LCOR: variants seen among roughly 807,000 people sequenced by gnomAD.
LCOR encodes the protein ligand dependent nuclear receptor corepressor.
A neutral mutation model predicts 64.4 loss-of-function variants in LCOR; 14 were observed. The ratio of observed to expected loss-of-function variants is 0.22; its 90% CI spans 0.14 to 0.34. The LOEUF (loss-of-function observed/expected upper bound fraction) is 0.34, where lower values mean the gene tolerates loss of function less well. LCOR is among the 10% of genes least tolerant of loss of function. The probability of loss-of-function intolerance (pLI) is 1.00; values close to 1 mark genes in which losing one functional copy is unlikely to be tolerated. For synonymous variants in LCOR, 643 were observed against 642.5 expected, an observed-to-expected ratio of 1.00 and a Z score of -0.01; for missense variants, 1,686 against 1,765.3, an observed-to-expected ratio of 0.96 and a Z score of 0.80.
intron 7 of LCOR, among the ~76,000 whole-genome samples, chr10:96,980,330 G>A (rs982759492): frequency 3.3e-5 from 5 of 152,016 alleles, no homozygotes; most frequent in African/African-American, 1.2e-4. Context: ...TAATAGTGTG[G>A]TCAAAATTTT....
In LCOR at chr10:96,991,215, G is replaced by C. The variant is rs11188982; in HGVS notation, c.*6081G>C. On this transcript the variant is annotated 3_prime_UTR_variant, in exon 8 of 8. Transcript: ENST00000421806. Reference sequence around the variant, plus strand: ...TTCATACAGTCCAGCAATTCTTTTAGATTTTAGAGTGTCTTGCCTGTTCAT... The same window carrying C: ...TTCATACAGTCCAGCAATTCTTTTACATTTTAGAGTGTCTTGCCTGTTCAT... The C allele has an allele frequency of 2.6e-5, 4 of 151,652 alleles. No individual in the cohort carries two copies. Among genetic ancestry groups the C allele is most frequent in the African/African-American group, 9.7e-5 (4 of 41,208 alleles). The allele number at this position is 151,652 out of a possible 1,614,324, so 9.4% of individuals were successfully genotyped here.
At chr10:96,872,905 T>C (rs1027427724) in intron 2 of LCOR, among the ~76,000 whole-genome samples, 4 of 152,170 alleles carry the variant, frequency 2.6e-5, no homozygotes, top group African/African-American at 7.2e-5. Flanking sequence ...TTATTTTTTA[T>C]TAAAACAGTA....
At chr10:96,881,136 G>A (rs771197280) in intron 2 of LCOR, among the ~76,000 whole-genome samples, 2 of 152,080 alleles carry the variant, frequency 1.3e-5, no homozygotes, top group Non-Finnish European at 2.9e-5. Flanking sequence ...TTTATTATCT[G>A]GCCTTTTACA....
At chr10:96,964,097 A>C (rs1847922444) in intron 7 of LCOR, 1 of 152,158 alleles carries the variant, frequency 6.6e-6, no homozygotes, top group Non-Finnish European at 1.5e-5. Flanking sequence ...TATGTAGTAG[A>C]GCACTTATGA....
intron 7 of LCOR, among the ~76,000 whole-genome samples, chr10:96,965,050 C>A (rs1192289077): frequency 1.3e-5 from 2 of 151,806 alleles, no homozygotes; most frequent in East Asian, 3.9e-4. Flanking sequence ...GCTCTGTCTC[C>A]CAGGCTGGAA....
At chr10:96,875,077 A>T (rs1486942756) in intron 2 of LCOR, among the ~76,000 whole-genome samples, 2 of 151,524 alleles carry the variant, frequency 1.3e-5, no homozygotes, top group Middle Eastern at 3.4e-3. Flanking sequence ...TCAGGGCAAT[A>T]TGTTATATAA....
chr10:96,840,849 T>A (rs760268245), intron 2 of LCOR, among the ~76,000 whole-genome samples: 1 of 152,232 alleles, frequency 6.6e-6, no homozygotes, highest in African/African-American at 2.4e-5. Context: ...CATTGAAAAT[T>A]AGTCCATCAC....
chr10:96,867,745 A>G (rs539333379), intron 2 of LCOR, among the ~76,000 whole-genome samples: 2 of 152,166 alleles, frequency 1.3e-5, no homozygotes, highest in African/African-American at 2.4e-5. Context: ...TTATATGTAT[A>G]GATATATATT....
rs67974828 is a variant in LCOR, at chr10:96,849,061, C to CTTTTTTTT, written c.-330+15605_-330+15612dup. On this transcript the variant is annotated intron_variant, in intron 2 of 7. Transcript: ENST00000421806. ...TCCTCTCTGTCACCTGGCTAATTGT[C>CTTTTTTTT]TTTTTTTTTTTTTTTTTTTTTTTTT... is the stretch of plus-strand genomic sequence containing the variant. 3.0e-4 allele frequency among the ~76,000 whole-genome samples: 10 copies of CTTTTTTTT among 33,842 alleles called. 1 individual carries two copies. Among genetic ancestry groups the CTTTTTTTT allele is most frequent in the Non-Finnish European group, 4.3e-4 (8 of 18,468 alleles). 22.2% of individuals were successfully genotyped at this position (33,842 alleles called of 152,430 possible).
chr10:96,854,940 T>C (rs1454185744), intron 2 of LCOR, among the ~76,000 whole-genome samples: 1 of 152,202 alleles, frequency 6.6e-6, no homozygotes, highest in Non-Finnish European at 1.5e-5. Context: ...CTACTGAATA[T>C]CTTGTTTTAG....
intron 2 of LCOR, among the ~76,000 whole-genome samples, chr10:96,862,832 T>C (rs1459749154): frequency 6.6e-6 from 1 of 152,104 alleles, no homozygotes; most frequent in African/African-American, 2.4e-5. Flanking sequence ...TTTCAGAATA[T>C]CACAAGTATC....
chr10:96,879,016 G>A (rs1022881692), intron 2 of LCOR, among the ~76,000 whole-genome samples: 3 of 151,986 alleles, frequency 2.0e-5, no homozygotes, highest in African/African-American at 2.4e-5. Context: ...GGCTGGTCTC[G>A]AACTCCTGAG....
chr10:96,988,307 G>T lies in LCOR; in HGVS notation c.*3173G>T, dbSNP rs182243122. ...CTGAGGCTTCCTTCATAGGAATGCT[G>T]TCAGTTTCTGTAAGTCACCAGTCAC... is the stretch of plus-strand genomic sequence containing the variant. On this transcript the variant is annotated 3_prime_UTR_variant, in exon 8 of 8. Transcript: ENST00000421806. 6.6e-6 allele frequency: 1 copy of T among 152,340 alleles called. No individual in the cohort carries two copies. The highest frequency in any genetic ancestry group is 1.5e-5 in the Non-Finnish European group (1 of 68,040). 9.4% of individuals were successfully genotyped at this position (152,340 alleles called of 1,614,324 possible).
intron 2 of LCOR, among the ~76,000 whole-genome samples, chr10:96,890,471 C>T (rs1182702940): frequency 6.6e-6 from 1 of 152,082 alleles, no homozygotes; most frequent in African/African-American, 2.4e-5. Context: ...TTGAAAGATT[C>T]TTTAGAATTA....
chr10:96,979,606 T>C (rs1376807713), intron 7 of LCOR, among the ~76,000 whole-genome samples: 1 of 152,070 alleles, frequency 6.6e-6, no homozygotes. Flanking sequence ...TCTCGGAGAA[T>C]GTAGCAAGTG....
chr10:96,867,869 A>G (rs1020326947), intron 2 of LCOR, among the ~76,000 whole-genome samples: 2 of 152,014 alleles, frequency 1.3e-5, no homozygotes, highest in African/African-American at 4.8e-5. Flanking sequence ...AACAACGATG[A>G]TGTTGAATAT....
chr10:96,952,930 G>A (rs143790291), intron 7 of LCOR, among the ~76,000 whole-genome samples: 2 of 152,196 alleles, frequency 1.3e-5, no homozygotes, highest in African/African-American at 4.8e-5. Flanking sequence ...AAAATAACTG[G>A]TAAGTTTAAA....
intron 7 of LCOR, chr10:96,955,012 C>G (rs1847743232): frequency 8.7e-6 from 14 of 1,614,060 alleles, no homozygotes; most frequent in Non-Finnish European, 1.2e-5. Flanking sequence ...GATGGGGTAC[C>G]TCCAAGAAGC....
chr10:96,958,167 A>G (rs1847815245), intron 7 of LCOR: 1 of 1,272,372 alleles, frequency 7.9e-7, no homozygotes, highest in Non-Finnish European at 9.9e-7. Flanking sequence ...GATTGCTACA[A>G]AAAGGTCCTT....
Sources: allele counts gnomAD v4.1 joint callset (sites outside exome capture counted in the v4.1 genomes callset), GRCh38; gene constraint gnomAD v4.1.1; transcripts MANE v1.5; gene names NCBI Gene and HGNC (gene_info 2026-07-23, HGNC 2026-07-21).